TASP1: variants seen among roughly 807,000 people sequenced by gnomAD.
The protein encoded by TASP1 is taspase 1, also known as threonine aspartase 1.
TASP1 carries 16 observed loss-of-function variants against 56.6 expected under a neutral mutation model. That is an observed-to-expected ratio of 0.28 (90% CI 0.19 to 0.43). The LOEUF (loss-of-function observed/expected upper bound fraction) is 0.43. TASP1 is among the 20% of genes least tolerant of loss of function. The probability of loss-of-function intolerance (pLI) is 1.00; values close to 1 mark genes in which losing one functional copy is unlikely to be tolerated. For missense variants in TASP1, 393 were observed against 511.6 expected (o/e 0.77, Z 2.24); for synonymous variants, 179 against 184.2 (o/e 0.97, Z 0.23).
chr20:13,321,275 A>AAAAAAAAAAAAAAAAAAAT, the TASP1 span, among the ~76,000 whole-genome samples: 1 of 150,636 alleles, frequency 6.6e-6, no homozygotes, highest in Admixed American at 6.6e-5. Flanking sequence ...AAAAAAAAAA[A>AAAAAAAAAAAAAAAAAAAT]AGATTTTATG....
chr20:13,155,785 C>T, the TASP1 span, among the ~76,000 whole-genome samples: 1 of 152,130 alleles, frequency 6.6e-6, no homozygotes, highest in East Asian at 1.9e-4. Flanking sequence ...GAGATTGCAC[C>T]ACTGCACTCT....
At chr20:13,461,100 A>G (rs2044035688) in intron 11 of TASP1, among the ~76,000 whole-genome samples, 1 of 151,976 alleles carries the variant, frequency 6.6e-6, no homozygotes, top group Admixed American at 6.6e-5. Context: ...CTCTAGACAC[A>G]TTGCTAACTC....
At chr20:13,635,593 G>A (rs1041227216) in intron 1 of TASP1, among the ~76,000 whole-genome samples, 2 of 151,930 alleles carry the variant, frequency 1.3e-5, no homozygotes, top group Admixed American at 1.3e-4. Context: ...TCACTATGTT[G>A]GCCAAGCTGG....
chr20:13,449,869 G>A (rs1297104253), intron 11 of TASP1, among the ~76,000 whole-genome samples: 1 of 151,982 alleles, frequency 6.6e-6, no homozygotes, highest in Non-Finnish European at 1.5e-5. Flanking sequence ...TAATGCAGGA[G>A]GACTTTTACA....
chr20:13,435,000 A>G (rs756046230), intron 12 of TASP1, 44 bp downstream of exon 12: 23 of 1,318,684 alleles, frequency 1.7e-5, no homozygotes, highest in East Asian at 2.6e-5. Flanking sequence ...TTTTTCTTGG[A>G]AAAAAAAATA....
At chr20:13,151,195 T>C in the TASP1 span, among the ~76,000 whole-genome samples, 5 of 152,248 alleles carry the variant, frequency 3.3e-5, no homozygotes, top group Non-Finnish European at 5.9e-5. Context: ...AAGCTTTTTT[T>C]CTGTGTCTTT....
At chr20:13,189,347 C>G in the TASP1 span, among the ~76,000 whole-genome samples, 1 of 152,162 alleles carries the variant, frequency 6.6e-6, no homozygotes, top group Non-Finnish European at 1.5e-5. Context: ...GCAGAAGAAA[C>G]TGTCAACAGA....
intron 11 of TASP1, among the ~76,000 whole-genome samples, chr20:13,448,058 T>C (rs1325319784): frequency 6.6e-6 from 1 of 152,132 alleles, no homozygotes; most frequent in Non-Finnish European, 1.5e-5. Context: ...AATCAAAAAT[T>C]ATGAAAATAA....
the TASP1 span, among the ~76,000 whole-genome samples, chr20:13,340,813 T>C: frequency 1.3e-5 from 2 of 152,216 alleles, no homozygotes; most frequent in Non-Finnish European, 2.9e-5. Context: ...ACTTCAGTAA[T>C]GATTTTACTC....
chr20:13,117,707 T>C, the TASP1 span: 2 of 1,611,448 alleles, frequency 1.2e-6, no homozygotes, highest in East Asian at 2.2e-5. Flanking sequence ...CTTCAGGAGG[T>C]TACATAGCTG....
the TASP1 span, among the ~76,000 whole-genome samples, chr20:13,265,934 G>A: frequency 6.6e-6 from 1 of 152,092 alleles, no homozygotes; most frequent in Admixed American, 6.6e-5. Flanking sequence ...AGTCAGCCAC[G>A]CTTAGACTAC....
At chr20:13,199,739 A>G in the TASP1 span, among the ~76,000 whole-genome samples, 1 of 152,218 alleles carries the variant, frequency 6.6e-6, no homozygotes, top group Non-Finnish European at 1.5e-5. Flanking sequence ...GGGGGATACA[A>G]AGGAAATGAA....
chr20:13,579,912 T>G (rs973774973), intron 6 of TASP1, among the ~76,000 whole-genome samples: 2 of 152,212 alleles, frequency 1.3e-5, no homozygotes, highest in Admixed American at 6.5e-5. Flanking sequence ...TTTCTGTGAC[T>G]TCAAAACACA....
chr20:13,393,062 T>A (rs769676714), intron 13 of TASP1: 6 of 594,174 alleles, frequency 1.0e-5, no homozygotes, highest in Admixed American at 6.2e-5. Context: ...GAGGCCCCCA[T>A]GTTTATATAG....
intron 11 of TASP1, among the ~76,000 whole-genome samples, chr20:13,457,565 T>C (rs1190279429): frequency 6.6e-6 from 1 of 152,168 alleles, no homozygotes; most frequent in African/African-American, 2.4e-5. Flanking sequence ...TATACACATA[T>C]AGATAAACTC....
the TASP1 span, among the ~76,000 whole-genome samples, chr20:13,330,883 TTC>T: frequency 6.6e-6 from 1 of 152,166 alleles, no homozygotes; most frequent in Non-Finnish European, 1.5e-5. Flanking sequence ...AATGTTTGTC[TTC>T]TCTCCCTTTT....
the TASP1 span, among the ~76,000 whole-genome samples, chr20:13,188,586 G>A: frequency 6.6e-6 from 1 of 152,036 alleles, no homozygotes; most frequent in Non-Finnish European, 1.5e-5. Flanking sequence ...AAAGATTATT[G>A]TTGTTAAAAT....
intron 11 of TASP1, among the ~76,000 whole-genome samples, chr20:13,465,767 T>C (rs1055233324): frequency 2.2e-5 from 3 of 137,750 alleles, no homozygotes; most frequent in Non-Finnish European, 3.0e-5. Context: ...TCCATCTATA[T>C]AACATTTTTG....
chr20:13,258,788 C>T, the TASP1 span, among the ~76,000 whole-genome samples: 2 of 152,096 alleles, frequency 1.3e-5, no homozygotes, highest in East Asian at 3.9e-4. Context: ...CCTTCTGGTG[C>T]ATGGCCTTCT....
Sources: gnomAD v4.1 joint callset for allele counts (sites outside exome capture counted in the v4.1 genomes callset) on GRCh38, gnomAD v4.1.1 for gene constraint, MANE v1.5 for transcripts, NCBI Gene and HGNC (gene_info 2026-07-23, HGNC 2026-07-21) for gene names.